Variants in ANKRD6 observed in about 807,000 individuals in gnomAD.
ANKRD6 encodes ankyrin repeat domain 6, also known as ankyrin repeat domain-containing protein 6.
ANKRD6 carries 56 observed loss-of-function variants against 82.3 expected under a neutral mutation model. The ratio of observed to expected loss-of-function variants is 0.68; its 90% confidence interval spans 0.55 to 0.85. The LOEUF is 0.85. Among genes scored for constraint, ANKRD6 ranks in the 40% least tolerant of loss-of-function variants. The pLI is 0.00. For missense variants in ANKRD6, 852 were observed against 907.6 expected (o/e 0.94, Z 0.79); for synonymous variants, 347 against 352.1 (o/e 0.99, Z 0.16).
intron 1 of ANKRD6, among the ~76,000 whole-genome samples, chr6:89,559,614 T>G (rs143037736): frequency 0.013 from 1,986 of 152,334 alleles, 32 homozygotes; most frequent in Middle Eastern, 0.017. Context: ...GTTAATTATT[T>G]TGATTTGTCT....
At chr6:89,600,025 C>T (rs926848166) in intron 3 of ANKRD6, among the ~76,000 whole-genome samples, 3 of 152,128 alleles carry the variant, frequency 2.0e-5, no homozygotes, top group Non-Finnish European at 2.9e-5. Context: ...AAGGGGTGTG[C>T]AGGACCTTTG....
intron 1 of ANKRD6, among the ~76,000 whole-genome samples, chr6:89,455,540 G>A (rs2127962490): frequency 1.3e-5 from 2 of 152,304 alleles, no homozygotes; most frequent in East Asian, 3.9e-4. Context: ...CCCCAATGTT[G>A]GAGGTGGGGC....
chr6:89,514,172 G>A (rs945490696), intron 1 of ANKRD6, among the ~76,000 whole-genome samples: 9 of 152,144 alleles, frequency 5.9e-5, no homozygotes, highest in Non-Finnish European at 1.2e-4. Flanking sequence ...GAAGTCGGGA[G>A]TTAAAAACTA....
chr6:89,593,742 TGGTTCATTGATG>T (rs999588633), intron 2 of ANKRD6, among the ~76,000 whole-genome samples: 1 of 152,220 alleles, frequency 6.6e-6, no homozygotes, highest in African/African-American at 2.4e-5. Flanking sequence ...GGTGGGGCCA[TGGTTCATTGATG>T]TTTGAATGTT....
chr6:89,619,571 A>G (rs551951151), intron 9 of ANKRD6: 3 of 152,206 alleles, frequency 2.0e-5, no homozygotes, highest in Admixed American at 1.3e-4. Context: ...CACTTAAAAC[A>G]AAAAAAGACT....
At chr6:89,622,174 T>C (rs1356321699) in intron 10 of ANKRD6, 148 bp downstream of exon 10, 3 of 700,592 alleles carry the variant, frequency 4.3e-6, no homozygotes, top group Non-Finnish European at 7.2e-6. Context: ...GTTGCCAGTC[T>C]TTTTCTCTTT....
intron 1 of ANKRD6, among the ~76,000 whole-genome samples, chr6:89,458,767 C>CA (rs1301275314): frequency 1.3e-5 from 2 of 152,184 alleles, no homozygotes; most frequent in Non-Finnish European, 2.9e-5. Context: ...AACACACTCA[C>CA]AGACACACCC....
chr6:89,527,070 C>T (rs895575655), intron 1 of ANKRD6, among the ~76,000 whole-genome samples: 8 of 152,192 alleles, frequency 5.3e-5, no homozygotes, highest in African/African-American at 1.9e-4. Flanking sequence ...TCTGGGCATC[C>T]CTTACCCCAG....
At chr6:89,434,762 C>T (rs1301848493) in intron 1 of ANKRD6, among the ~76,000 whole-genome samples, 2 of 151,922 alleles carry the variant, frequency 1.3e-5, no homozygotes, top group Admixed American at 6.6e-5. Flanking sequence ...GTGTCTATAC[C>T]GATACATGTT....
In ANKRD6 at chr6:89,632,366, GA is replaced by G. The variant is rs1807572773; in HGVS notation, c.*1367del. The G allele has an allele frequency of 2.6e-5, 1 of 38,602 alleles. No individual in the cohort carries two copies. Among genetic ancestry groups the G allele is most frequent in the Non-Finnish European group, 5.3e-5 (1 of 18,884 alleles). The allele number at this position is 38,602 out of a possible 1,614,324, so 2.4% of individuals were successfully genotyped here. ...TCCATAGATATAGACATTCCTAAAA[GA>G]AAAATAATTCAGTAGATATATGTCA... On this transcript the variant is annotated 3_prime_UTR_variant, in exon 16 of 16. Transcript: ENST00000339746.
chr6:89,623,552 G>A lies in ANKRD6; in HGVS notation c.1032+8G>A, dbSNP rs1250687497. Reference sequence around the variant, plus strand: ...AGAAAGTCAAGGCCCAAGGTCAGGAGACACAGAAAGCAGCCCAGAGGGGTG... The same window carrying A: ...AGAAAGTCAAGGCCCAAGGTCAGGAAACACAGAAAGCAGCCCAGAGGGGTG... On this transcript the variant is annotated splice_region_variant and intron_variant, in intron 11 of 15. Transcript: ENST00000339746. The A allele has an allele frequency of 1.3e-6, 2 of 1,576,740 alleles. No individual in the cohort carries two copies. The highest frequency in any genetic ancestry group is 1.7e-6 in the Non-Finnish European group (2 of 1,161,192).
At chr6:89,477,770 C>CAA (rs772097321) in intron 1 of ANKRD6, among the ~76,000 whole-genome samples, 4 of 51,834 alleles carry the variant, frequency 7.7e-5, no homozygotes, top group Admixed American at 3.9e-4. Flanking sequence ...GACTCCGTCT[C>CAA]AAAAAAAAAA....
At chr6:89,511,158 C>T (rs1213844952) in intron 1 of ANKRD6, among the ~76,000 whole-genome samples, 5 of 152,180 alleles carry the variant, frequency 3.3e-5, no homozygotes, top group Non-Finnish European at 5.9e-5. Context: ...CACCACAGCC[C>T]GATTCCTCTT....
At chr6:89,594,434 G>A (rs1033558759) in intron 2 of ANKRD6, among the ~76,000 whole-genome samples, 21 of 148,882 alleles carry the variant, frequency 1.4e-4, no homozygotes, top group African/African-American at 5.2e-4. Flanking sequence ...AGCCTGGGCA[G>A]CAGAGTGAGA....
At position 89,586,749 on chromosome 6, in the gene ANKRD6, G is replaced by T. The variant is rs147261737; in HGVS notation, c.121-9167G>T. The stretch of plus-strand genomic sequence containing the variant: ...GTGAGGAGTGTGTGGGCCATTAACT[G>T]ATGTCTTACCACTCAGGGACAAGTG... On this transcript the variant is annotated intron_variant, in intron 2 of 15. Coordinates refer to ENST00000339746, the MANE Select transcript of ANKRD6 (RefSeq NM_001242809.2). 2.1e-4 allele frequency among the ~76,000 whole-genome samples: 32 copies of T among 152,286 alleles called. 1 individual carries two copies. In the East Asian group the frequency reaches 6.2e-3, roughly 29 times the overall value.
At chr6:89,531,720 C>T (rs1352290217) in intron 1 of ANKRD6, among the ~76,000 whole-genome samples, 1 of 152,256 alleles carries the variant, frequency 6.6e-6, no homozygotes, top group Non-Finnish European at 1.5e-5. Flanking sequence ...CTGCCAGTAT[C>T]ATCGGACCTT....
At chr6:89,488,743 A>C (rs1300465131) in intron 1 of ANKRD6, among the ~76,000 whole-genome samples, 1 of 152,224 alleles carries the variant, frequency 6.6e-6, no homozygotes. Flanking sequence ...CATTTTGATC[A>C]AGAACAGTGG....
intron 6 of ANKRD6, among the ~76,000 whole-genome samples, chr6:89,613,535 G>A (rs551956252): frequency 8.5e-5 from 13 of 152,270 alleles, no homozygotes; most frequent in African/African-American, 2.4e-4. Flanking sequence ...GGGAGCAGAC[G>A]TCTAGTTTCA....
chr6:89,453,928 A>G (rs1773198075), intron 1 of ANKRD6, among the ~76,000 whole-genome samples: 1 of 151,956 alleles, frequency 6.6e-6, no homozygotes, highest in Non-Finnish European at 1.5e-5. Context: ...TAGCCTCCGG[A>G]GTAGCTGGGA....
Sources: gnomAD v4.1 joint callset for allele counts (sites outside exome capture counted in the v4.1 genomes callset) on GRCh38, gnomAD v4.1.1 for gene constraint, MANE v1.5 for transcripts, NCBI Gene and HGNC (gene_info 2026-07-23, HGNC 2026-07-21) for gene names.